Variants in C6 observed in about 807,000 individuals in gnomAD.
The protein encoded by C6 is complement C6.
Under a neutral mutation model 112.9 loss-of-function variants are expected in C6, and 101 were observed. That is an observed-to-expected ratio of 0.89 (90% confidence interval 0.76 to 1.06). The LOEUF is 1.06. Ranked by LOEUF, C6 falls within the 50% of genes least tolerant of loss-of-function variation. The pLI, the probability that C6 is intolerant of heterozygous loss-of-function variation, is 0.00. For missense variants in C6, 1,202 were observed against 1,104.6 expected, an observed-to-expected ratio of 1.09 and a Z score of -1.25; for synonymous variants, 431 against 384.1, an observed-to-expected ratio of 1.12 and a Z score of -1.43.
chr5:41,184,639 G>A (rs1252531280), intron 6 of C6, among the ~76,000 whole-genome samples: 2 of 151,728 alleles, frequency 1.3e-5, no homozygotes, highest in Non-Finnish European at 2.9e-5. Flanking sequence ...GCCCAGCTAA[G>A]TTTTGTATTT....
intron 5 of C6, among the ~76,000 whole-genome samples, chr5:41,188,316 A>T (rs566750002): frequency 6.6e-6 from 1 of 152,252 alleles, no homozygotes; most frequent in African/African-American, 2.4e-5. Flanking sequence ...CAGCCAAGAG[A>T]ATCGTGAGAA....
At chr5:41,160,491 C>A in intron 10 of C6, 124 bp from the exon 11 acceptor site, 3 of 765,848 alleles carry the variant, frequency 3.9e-6, no homozygotes, top group Admixed American at 2.0e-5. Flanking sequence ...GGGATTATTG[C>A]AGAATATAGT....
chr5:41,180,051 G>A (rs1749198238), intron 7 of C6, among the ~76,000 whole-genome samples: 2 of 152,146 alleles, frequency 1.3e-5, no homozygotes, highest in South Asian at 4.1e-4. Context: ...GCAAAATGAT[G>A]TTTAAATATT....
At chr5:41,191,479 T>C (rs1375218566) in intron 5 of C6, among the ~76,000 whole-genome samples, 3 of 152,242 alleles carry the variant, frequency 2.0e-5, no homozygotes, top group Admixed American at 1.3e-4. Context: ...AGGGATTACC[T>C]TGAATTTGTA....
intron 4 of C6, among the ~76,000 whole-genome samples, chr5:41,199,227 T>C (rs1750827706): frequency 1.3e-5 from 2 of 152,200 alleles, no homozygotes; most frequent in Non-Finnish European, 2.9e-5. Flanking sequence ...AGAGATTTCA[T>C]TCATCTGAAA....
chr5:41,174,995 C>T (rs528739781), intron 8 of C6, among the ~76,000 whole-genome samples: 2 of 152,236 alleles, frequency 1.3e-5, no homozygotes, highest in South Asian at 4.1e-4. Flanking sequence ...ATAAATTATT[C>T]CATATAAACT....
At chr5:41,196,936 C>A (rs1443387989) in intron 4 of C6, among the ~76,000 whole-genome samples, 3 of 151,914 alleles carry the variant, frequency 2.0e-5, no homozygotes, top group Non-Finnish European at 4.4e-5. Flanking sequence ...TGCCTTTTAC[C>A]TTCTTGCCTG....
In C6 at chr5:41,142,574, G is replaced by A. The variant is rs570260298; in HGVS notation, c.*251C>T. The A allele has an allele frequency of 1.1e-5, 6 of 535,260 alleles. No homozygotes were observed. The highest frequency in any genetic ancestry group is 7.6e-5 in the African/African-American group (4 of 52,796). The allele number at this position is 535,260 out of a possible 1,614,324, so 33.2% of individuals were successfully genotyped here. A position where few individuals can be genotyped will look rare whatever the true frequency, so the allele number is the denominator to read the frequency against. On this transcript the variant is annotated 3_prime_UTR_variant, in exon 18 of 18. Coordinates refer to ENST00000337836, the MANE Select transcript of C6 (RefSeq NM_000065.5). The stretch of plus-strand genomic sequence containing the variant: ...CATTATTTTTGTACAATGTGAACAG[G>A]AGAATTTACGAGACTGCTGTGGAAG...
chr5:41,237,783 A>C (rs1330359157), intron 1 of C6, among the ~76,000 whole-genome samples: 1 of 41,330 alleles, frequency 2.4e-5, no homozygotes, highest in East Asian at 5.4e-4. Context: ...AGAGGAAGTC[A>C]AATTGTCCCT....
rs547468677 is a variant in C6, at chr5:41,243,932, C to T, written c.-21+17262G>A. 3.2e-3 allele frequency among the ~76,000 whole-genome samples: 491 copies of T among 152,242 alleles called. 5 individuals are homozygous for T. Among genetic ancestry groups the T allele is most frequent in the Non-Finnish European group, 4.5e-3 (307 of 68,008 alleles). On this transcript the variant is annotated intron_variant, in intron 1 of 17. Coordinates refer to the C6 transcript ENST00000263413. ...TAAATGTGGAATTAAGTCACATTTG[C>T]CTACACTAAAAACCAAGGTCATAAC...
chr5:41,158,166 A>T (rs1044885272), intron 13 of C6, among the ~76,000 whole-genome samples: 12 of 149,588 alleles, frequency 8.0e-5, no homozygotes, highest in Non-Finnish European at 1.5e-4. Flanking sequence ...TTCAGCTTTT[A>T]AAAAAATCAT....
At chr5:41,144,472 GC>G (rs1745629280) in intron 17 of C6, among the ~76,000 whole-genome samples, 1 of 152,036 alleles carries the variant, frequency 6.6e-6, no homozygotes, top group Non-Finnish European at 1.5e-5. Flanking sequence ...TCATTATGTT[GC>G]CCAGGCTAGT....
chr5:41,204,189 A>T (rs1751247962), intron 1 of C6, among the ~76,000 whole-genome samples: 1 of 152,218 alleles, frequency 6.6e-6, no homozygotes, highest in Non-Finnish European at 1.5e-5. Flanking sequence ...TAAAAAGTTA[A>T]ATGCCATTCG....
At chr5:41,255,835 AG>A (rs1371535991) in intron 1 of C6, among the ~76,000 whole-genome samples, 3 of 152,184 alleles carry the variant, frequency 2.0e-5, no homozygotes, top group Non-Finnish European at 4.4e-5. Context: ...TACTGTAAAG[AG>A]CTTATTTTTA....
intron 17 of C6, among the ~76,000 whole-genome samples, chr5:41,148,703 G>T (rs529606541): frequency 1.3e-5 from 2 of 152,304 alleles, no homozygotes; most frequent in East Asian, 3.9e-4. Context: ...GAGCTGGAAA[G>T]TATAACAGTG....
chr5:41,190,218 C>T (rs1750091430), intron 5 of C6, among the ~76,000 whole-genome samples: 1 of 152,170 alleles, frequency 6.6e-6, no homozygotes, highest in African/African-American at 2.4e-5. Flanking sequence ...CATTAGTTTA[C>T]ATTCTCACCA....
chr5:41,172,291 A>C lies in C6; in HGVS notation c.1225T>G (p.Leu409Val), dbSNP rs755584998. 3 of 1,613,728 alleles carry C rather than the reference A, an allele frequency of 1.9e-6. No homozygotes were observed. In the Admixed American group the frequency reaches 5.0e-5, roughly 27 times the overall value. ...CVRIETKKRV[L>V]FAKKTKVEHR... is the part of the protein sequence containing the mutation. ...TCCACTTTTGTTTTCTTAGCAAATA[A>C]AACGCGTTTCTTTGTTTCAATCCTG... Residue 409 changes from leucine (L) to valine (V), a missense_variant, in exon 9 of 18, where the codon TTA becomes GTA. Transcript: ENST00000337836.
chr5:41,182,677 G>C (rs967057057), intron 6 of C6, among the ~76,000 whole-genome samples: 3 of 152,188 alleles, frequency 2.0e-5, no homozygotes, highest in Admixed American at 1.3e-4. Flanking sequence ...GCTTAGGTTT[G>C]CATAGCTGCC....
intron 5 of C6, among the ~76,000 whole-genome samples, chr5:41,188,817 CA>C (rs1160265658): frequency 6.6e-6 from 1 of 151,676 alleles, no homozygotes; most frequent in Non-Finnish European, 1.5e-5. Context: ...AGGACACCAA[CA>C]AAAAAGTGAA....
Sources: gnomAD v4.1 joint callset for allele counts (sites outside exome capture counted in the v4.1 genomes callset) on GRCh38, gnomAD v4.1.1 for gene constraint, MANE v1.5 for transcripts, NCBI Gene and HGNC (gene_info 2026-07-23, HGNC 2026-07-21) for gene names.